The following PRSS23 variants were observed in gnomAD, a reference collection of about 807,000 sequenced individuals.
PRSS23 encodes protease, serine 23.
A neutral mutation model predicts 34.7 loss-of-function variants in PRSS23; 25 were observed. That is an observed-to-expected ratio of 0.72 (90% confidence interval 0.53 to 1.01). The LOEUF is 1.01. Ranked by LOEUF, PRSS23 falls within the 50% of genes least tolerant of loss-of-function variation. The pLI is 0.00. For missense variants in PRSS23, 445 were observed against 475.6 expected, an observed-to-expected ratio of 0.94 and a Z score of 0.60; for synonymous variants, 176 against 186.6, an observed-to-expected ratio of 0.94 and a Z score of 0.46.
chr11:86,816,133 C>T (rs1948213722), downstream of PRSS23, among the ~76,000 whole-genome samples: 1 of 152,226 alleles, frequency 6.6e-6, no homozygotes. Flanking sequence ...GTACCAAACA[C>T]ATCCGTGTTT....
intron 2 of PRSS23, among the ~76,000 whole-genome samples, chr11:86,877,078 A>C (rs1179674307): frequency 2.0e-5 from 3 of 152,212 alleles, no homozygotes; most frequent in Non-Finnish European, 2.9e-5. Context: ...TGGCAACTGC[A>C]ATCAAATCAA....
intron 1 of PRSS23, among the ~76,000 whole-genome samples, chr11:86,801,338 A>G (rs1397020733): frequency 6.6e-6 from 1 of 152,230 alleles, no homozygotes; most frequent in Non-Finnish European, 1.5e-5. Flanking sequence ...GGAGCGGGAG[A>G]AGACTTGTTC....
intron 2 of PRSS23, among the ~76,000 whole-genome samples, chr11:86,912,786 C>G (rs907887487): frequency 2.6e-5 from 4 of 152,092 alleles, no homozygotes; most frequent in African/African-American, 9.7e-5. Flanking sequence ...TCTATTAGCC[C>G]TTTCTCTTAA....
intron 2 of PRSS23, among the ~76,000 whole-genome samples, chr11:86,918,692 G>A (rs1484280369): frequency 2.0e-5 from 3 of 152,198 alleles, no homozygotes; most frequent in African/African-American, 7.2e-5. Flanking sequence ...CAGGGCCGAG[G>A]ACATATACCA....
intron 2 of PRSS23, among the ~76,000 whole-genome samples, chr11:86,843,093 A>G (rs1368568432): frequency 6.6e-6 from 1 of 152,204 alleles, no homozygotes; most frequent in Non-Finnish European, 1.5e-5. Context: ...ATGGAACAGA[A>G]CAGAGGCCTC....
At chr11:86,877,947 C>T (rs1181844208) in intron 2 of PRSS23, among the ~76,000 whole-genome samples, 1 of 151,110 alleles carries the variant, frequency 6.6e-6, no homozygotes, top group African/African-American at 2.4e-5. Flanking sequence ...TGGAGTATTA[C>T]CATGTTGACA....
Position 86,809,920 on chromosome 11 carries a change from T to A in PRSS23, c.*1125T>A, listed in dbSNP as rs1948158287. ...CTTCTTCAATTTGGAAACTTTTCTC[T>A]CTCATTTATAGTGAAAATACTTGGA... On this transcript the variant is annotated 3_prime_UTR_variant, in exon 2 of 2. Transcript: ENST00000280258. 1 of 167,048 alleles carries A rather than the reference T, an allele frequency of 6.0e-6. No homozygotes were observed. Among genetic ancestry groups the A allele is most frequent in the African/African-American group, 2.4e-5 (1 of 41,454 alleles). The allele number at this position is 167,048 out of a possible 1,614,324, so 10.3% of individuals were successfully genotyped here.
intron 2 of PRSS23, among the ~76,000 whole-genome samples, chr11:86,904,733 G>C (rs1948931262): frequency 6.6e-6 from 1 of 152,116 alleles, no homozygotes; most frequent in Non-Finnish European, 1.5e-5. Context: ...AAATAAATGA[G>C]TAAAGCTGTG....
At chr11:86,793,350 A>AC (rs1947963157) in intron 1 of PRSS23, among the ~76,000 whole-genome samples, 1 of 152,210 alleles carries the variant, frequency 6.6e-6, no homozygotes, top group Admixed American at 6.5e-5. Context: ...GCATTCTTTA[A>AC]TCCTGGGGGA....
At chr11:86,861,316 G>A (rs1461716756) in intron 2 of PRSS23, among the ~76,000 whole-genome samples, 3 of 151,470 alleles carry the variant, frequency 2.0e-5, no homozygotes, top group South Asian at 2.1e-4. Flanking sequence ...GGGCGGAGAG[G>A]GGCATGATAT....
chr11:86,849,101 C>T (rs1948510533), intron 2 of PRSS23, among the ~76,000 whole-genome samples: 1 of 152,184 alleles, frequency 6.6e-6, no homozygotes, highest in South Asian at 2.1e-4. Context: ...CATGCAATCA[C>T]CCTCACAGAG....
At chr11:86,857,183 C>A in intron 2 of PRSS23, 1 of 341,668 alleles carries the variant, frequency 2.9e-6, no homozygotes, top group Non-Finnish European at 5.5e-6. Context: ...ATCACTGATG[C>A]CACCACTCCA....
Position 86,808,490 on chromosome 11 carries a change from G to A in PRSS23, c.847G>A (p.Asp283Asn), listed in dbSNP as rs1719861108. The change falls in exon 2 of 2, where the codon GAC (aspartate) becomes AAC (asparagine). Residue 283 changes from aspartate to asparagine, a missense_variant. Physicochemically the swap from Asp to Asn is conservative, Grantham distance 23 (BLOSUM62 1). Coordinates refer to ENST00000280258, the MANE Select transcript of PRSS23 (RefSeq NM_007173.6). ...GGGCAGAATTCACTTCTCTGGTTAT[G>A]ACAATGACCGACCAGGCAATTTGGT... Reference protein sequence around the residue: ...PGGRIHFSGYDNDRPGNLVYR... With the variant: ...PGGRIHFSGYNNDRPGNLVYR... The A allele has an allele frequency of 6.2e-7, 1 of 1,614,116 alleles. No individual in the cohort carries two copies.
intron 2 of PRSS23, among the ~76,000 whole-genome samples, chr11:86,858,265 T>C (rs1224337175): frequency 1.3e-5 from 2 of 152,002 alleles, no homozygotes; most frequent in Non-Finnish European, 2.9e-5. Flanking sequence ...TCGCACGGAA[T>C]TTACACCACC....
chr11:86,927,001 T>G (rs1313718737), intron 2 of PRSS23, among the ~76,000 whole-genome samples: 3 of 152,176 alleles, frequency 2.0e-5, no homozygotes, highest in African/African-American at 7.2e-5. Flanking sequence ...CTCCAACATG[T>G]AGTCAGATAG....
intron 2 of PRSS23, among the ~76,000 whole-genome samples, chr11:86,848,595 C>T (rs1048848885): frequency 6.6e-6 from 1 of 152,080 alleles, no homozygotes; most frequent in Non-Finnish European, 1.5e-5. Context: ...GAAGGCACAC[C>T]CCCGTAACTC....
intron 2 of PRSS23, among the ~76,000 whole-genome samples, chr11:86,867,826 G>A (rs1948659920): frequency 6.8e-6 from 1 of 146,344 alleles, no homozygotes; most frequent in South Asian, 2.2e-4. Context: ...GCAGTGAGCT[G>A]AGGTTGTGCC....
chr11:86,872,627 G>A (rs1320443220), intron 2 of PRSS23, among the ~76,000 whole-genome samples: 1 of 152,136 alleles, frequency 6.6e-6, no homozygotes, highest in Non-Finnish European at 1.5e-5. Context: ...GGAGTAAATA[G>A]ACTTAATTTT....
chr11:86,848,315 T>C (rs897605530), intron 2 of PRSS23, among the ~76,000 whole-genome samples: 1 of 151,950 alleles, frequency 6.6e-6, no homozygotes, highest in South Asian at 2.1e-4. Flanking sequence ...GGATCGATAG[T>C]ACCTTGGCCA....
Sources: gnomAD v4.1 joint callset for allele counts (sites outside exome capture counted in the v4.1 genomes callset) on GRCh38, gnomAD v4.1.1 for gene constraint, MANE v1.5 for transcripts, NCBI Gene and HGNC (gene_info 2026-07-23, HGNC 2026-07-21) for gene names.